The following ZC3H14 variants were observed in gnomAD, a reference collection of about 807,000 sequenced individuals.
The protein encoded by ZC3H14 is zinc finger CCCH domain-containing protein 14.
In ZC3H14, 31 loss-of-function variants were observed where a neutral mutation model predicts 92.4. That is an observed-to-expected ratio of 0.34 (90% CI 0.25 to 0.45). The LOEUF (loss-of-function observed/expected upper bound fraction) is 0.45. Among genes scored for constraint, ZC3H14 ranks in the 20% least tolerant of loss-of-function variants. The probability of loss-of-function intolerance (pLI) is 1.00; values close to 1 mark genes in which losing one functional copy is unlikely to be tolerated. For synonymous variants in ZC3H14, 321 were observed against 300.9 expected (o/e 1.07, Z -0.69); for missense variants, 781 against 897.3 (o/e 0.87, Z 1.66).
At position 88,619,317 on chromosome 14, in the gene ZC3H14, A is replaced by G. The variant is rs1452658928; in HGVS notation, c.*7566A>G. 1 of 152,500 alleles carries G rather than the reference A, an allele frequency of 6.6e-6. No individual in the cohort carries two copies. 9.4% of individuals were successfully genotyped at this position (152,500 alleles called of 1,614,324 possible). On this transcript the variant is annotated 3_prime_UTR_variant, in exon 17 of 17. Transcript: ENST00000251038. The stretch of plus-strand genomic sequence containing the variant: ...GAGGCACAGGTTGTGGTGAGCTGAG[A>G]TTGCACCATTGCACTTCAGCATGGG...
At chr14:88,586,192 C>T (rs544321477) in intron 9 of ZC3H14, among the ~76,000 whole-genome samples, 1 of 152,276 alleles carries the variant, frequency 6.6e-6, no homozygotes, top group Non-Finnish European at 1.5e-5. Flanking sequence ...AAATAAAATA[C>T]ACAAGTTGGA....
chr14:88,605,218 GAC>G (rs1321874902), intron 12 of ZC3H14, among the ~76,000 whole-genome samples: 3 of 152,164 alleles, frequency 2.0e-5, no homozygotes, highest in African/African-American at 7.2e-5. Flanking sequence ...AAAAGGGTAA[GAC>G]ACATTTACTT....
chr14:88,598,860 G>A (rs2084217032), intron 10 of ZC3H14, among the ~76,000 whole-genome samples: 1 of 152,246 alleles, frequency 6.6e-6, no homozygotes, highest in Admixed American at 6.5e-5. Flanking sequence ...GCCAAGGCAG[G>A]CAGATCACTT....
Position 88,618,278 on chromosome 14 carries a change from A to G in ZC3H14, c.*6527A>G, listed in dbSNP as rs1478966288. Reference sequence around the variant, plus strand: ...TGTCAATAGCGGCATGATCCATAAGATGTTTTCCTGAAGGCACTTCATAGA... The same window carrying G: ...TGTCAATAGCGGCATGATCCATAAGGTGTTTTCCTGAAGGCACTTCATAGA... On this transcript the variant is annotated 3_prime_UTR_variant, in exon 17 of 17. Transcript: ENST00000251038. 3 of 1,613,730 alleles carry G rather than the reference A, an allele frequency of 1.9e-6. No individual in the cohort carries two copies. The African/African-American group carries it at 4.0e-5, about 22-fold the overall frequency.
At chr14:88,564,998 C>T (rs2079382249) in intron 2 of ZC3H14, among the ~76,000 whole-genome samples, 1 of 152,032 alleles carries the variant, frequency 6.6e-6, no homozygotes, top group African/African-American at 2.4e-5. Flanking sequence ...GAAAAGAATC[C>T]ATAGTCTTTG....
At position 88,613,874 on chromosome 14, in the gene ZC3H14, C is replaced by A. The variant is rs1595165768; in HGVS notation, c.*2123C>A. On this transcript the variant is annotated 3_prime_UTR_variant, in exon 17 of 17. Transcript: ENST00000251038. ...AGATTCTATATGGCCTATCATGTTT[C>A]TTCACCTTCCCCTCGTTGCTGGCTG... is the stretch of plus-strand genomic sequence containing the variant. 1 of 152,320 alleles carries A rather than the reference C, an allele frequency of 6.6e-6. No individual in the cohort carries two copies. Among genetic ancestry groups the A allele is most frequent in the East Asian group, 1.9e-4 (1 of 5,194 alleles). 9.4% of individuals were successfully genotyped at this position (152,320 alleles called of 1,614,324 possible).
Position 88,625,039 on chromosome 14 carries a change from T to C in ZC3H14, c.*13288T>C. On this transcript the variant is annotated 3_prime_UTR_variant, in exon 17 of 17. Transcript: ENST00000251038. ...GGTGTACATGGCAAACACAGGCCCG[T>C]TGTGAGCTCTCGCCACGATTCTACA... 3.7e-6 allele frequency: 6 copies of C among 1,613,808 alleles called. No individual in the cohort carries two copies. Among genetic ancestry groups the C allele is most frequent in the Non-Finnish European group, 5.1e-6 (6 of 1,179,766 alleles).
At chr14:88,592,174 CTTT>C (rs992224298) in intron 9 of ZC3H14, 9 of 104,938 alleles carry the variant, frequency 8.6e-5, no homozygotes, top group African/African-American at 2.4e-4. Flanking sequence ...CTCTTTCCTG[CTTT>C]TTTCCTTGAG....
chr14:88,601,132 A>C (rs1274050497), intron 10 of ZC3H14, among the ~76,000 whole-genome samples: 1 of 151,992 alleles, frequency 6.6e-6, no homozygotes, highest in Non-Finnish European at 1.5e-5. Context: ...CTGAAATTGT[A>C]TATGTGTCTG....
intron 9 of ZC3H14, among the ~76,000 whole-genome samples, chr14:88,578,917 C>T (rs1050968266): frequency 6.6e-6 from 1 of 151,304 alleles, no homozygotes; most frequent in African/African-American, 2.4e-5. Context: ...TCCTCATTAC[C>T]CAGAACTAAC....
At position 88,618,359 on chromosome 14, in the gene ZC3H14, G is replaced by A; in HGVS notation, c.*6608G>A. ...TTTTCATCAGATTAAAATGGGACAA[G>A]AATTCCATTAGGTGAGAGACAAAAT... On this transcript the variant is annotated 3_prime_UTR_variant, in exon 17 of 17. Transcript: ENST00000251038. The A allele has an allele frequency of 6.3e-7, 1 of 1,591,108 alleles. No homozygotes were observed. Among genetic ancestry groups the A allele is most frequent in the Non-Finnish European group, 8.6e-7 (1 of 1,160,990 alleles).
intron 15 of ZC3H14, among the ~76,000 whole-genome samples, chr14:88,610,536 G>A (rs1348967561): frequency 1.3e-5 from 2 of 151,802 alleles, no homozygotes; most frequent in Non-Finnish European, 2.9e-5. Flanking sequence ...GGTGAGGTGG[G>A]TCAGGCCTGC....
At chr14:88,581,669 A>C (rs548165725) in intron 9 of ZC3H14, among the ~76,000 whole-genome samples, 1 of 152,242 alleles carries the variant, frequency 6.6e-6, no homozygotes, top group East Asian at 1.9e-4. Context: ...TCAACATCCC[A>C]GATAGCAAAG....
intron 9 of ZC3H14, among the ~76,000 whole-genome samples, chr14:88,581,527 C>T (rs2081910959): frequency 6.6e-6 from 1 of 152,100 alleles, no homozygotes; most frequent in South Asian, 2.1e-4. Context: ...TGCCACCGTA[C>T]TCCAGCCTGG....
chr14:88,577,094 A>G (rs1394081336), intron 8 of ZC3H14, among the ~76,000 whole-genome samples: 2 of 151,984 alleles, frequency 1.3e-5, no homozygotes, highest in Non-Finnish European at 2.9e-5. Context: ...CGCGCCTGGC[A>G]CCATCAGTTT....
chr14:88,609,047 C>T (rs2086096117), intron 13 of ZC3H14: 1 of 555,774 alleles, frequency 1.8e-6, no homozygotes, highest in Non-Finnish European at 3.1e-6. Flanking sequence ...GGTGGCTTGG[C>T]TTGAGTTAAA....
At chr14:88,572,274 G>GTGT (rs2080521653) in intron 5 of ZC3H14, 49 bp downstream of exon 5, 6 of 1,588,068 alleles carry the variant, frequency 3.8e-6, no homozygotes, top group Non-Finnish European at 5.2e-6. Flanking sequence ...CTGTGTATGT[G>GTGT]ACATTTATAT....
chr14:88,614,895 A>G lies in ZC3H14; in HGVS notation c.*3144A>G, dbSNP rs1226520151. On this transcript the variant is annotated 3_prime_UTR_variant, in exon 17 of 17. Transcript: ENST00000251038. ...AAAAAGGCTATAAAAATTTTATTCC[A>G]AGAGTGATTAAATTGTATAATGTTG... The G allele has an allele frequency of 6.6e-6, 1 of 152,242 alleles. No individual in the cohort carries two copies. The highest frequency in any genetic ancestry group is 1.5e-5 in the Non-Finnish European group (1 of 68,036). 9.4% of individuals were successfully genotyped at this position (152,242 alleles called of 1,614,324 possible). A position where few individuals can be genotyped will look rare whatever the true frequency, so the allele number is the denominator to read the frequency against.
chr14:88,566,121 C>G (rs1197772526), intron 2 of ZC3H14, among the ~76,000 whole-genome samples: 1 of 146,794 alleles, frequency 6.8e-6, no homozygotes, highest in Non-Finnish European at 1.5e-5. Context: ...CTTAGGTGAT[C>G]CACTTGTCTC....
Sources: gnomAD v4.1 joint callset for allele counts (sites outside exome capture counted in the v4.1 genomes callset) on GRCh38, gnomAD v4.1.1 for gene constraint, MANE v1.5 for transcripts, NCBI Gene and HGNC (gene_info 2026-07-23, HGNC 2026-07-21) for gene names.